DNAH6: variants seen among roughly 807,000 people sequenced by gnomAD.
DNAH6 encodes the protein axonemal beta dynein heavy chain 6.
In DNAH6, 340 loss-of-function variants were observed where a neutral mutation model predicts 491.4. The ratio of observed to expected loss-of-function variants is 0.69; its 90% CI spans 0.63 to 0.76. DNAH6 has a LOEUF of 0.76. Among genes scored for constraint, DNAH6 ranks in the 30% least tolerant of loss-of-function variants. The probability of loss-of-function intolerance (pLI) is 0.00; values close to 1 mark genes in which losing one functional copy is unlikely to be tolerated. For synonymous variants in DNAH6, 1,603 were observed against 1,686.1 expected (o/e 0.95, Z 1.21); for missense variants, 4,443 against 4,972.2 (o/e 0.89, Z 3.20).
intron 64 of DNAH6, among the ~76,000 whole-genome samples, chr2:84,780,737 G>T (rs1469755326): frequency 6.6e-6 from 1 of 151,802 alleles, no homozygotes; most frequent in African/African-American, 2.4e-5. Context: ...ATCCAAGGGG[G>T]CTAGTGTTTA....
Position 84,795,501 on chromosome 2 carries a change from A to G in DNAH6, c.11240-805A>G, listed in dbSNP as rs138542348. Among the ~76,000 whole-genome samples the G allele has an allele frequency of 3.3e-5, 5 of 152,290 alleles. No individual in the cohort carries two copies. In the East Asian group the frequency reaches 9.6e-4, roughly 29 times the overall value. On this transcript the variant is annotated intron_variant, in intron 68 of 76. Coordinates refer to ENST00000389394, the MANE Select transcript of DNAH6 (RefSeq NM_001370.2). ...AAACAAAACAAAAAGAAAGAGAAAG[A>G]AAAAACAATTTTTTCTTCCTGACAT... is the stretch of plus-strand genomic sequence containing the variant.
At chr2:84,686,652 G>T (rs575795536) in intron 44 of DNAH6, 95 bp downstream of exon 44, 6 of 782,186 alleles carry the variant, frequency 7.7e-6, no homozygotes, top group Non-Finnish European at 1.2e-5. Flanking sequence ...CTTTACATGT[G>T]TGAGGAGTTA....
chr2:84,774,278 A>G (rs899448974), intron 64 of DNAH6, among the ~76,000 whole-genome samples: 1 of 152,160 alleles, frequency 6.6e-6, no homozygotes, highest in Non-Finnish European at 1.5e-5. Context: ...ATTCTTCTGC[A>G]TATAGCTAGT....
intron 37 of DNAH6, among the ~76,000 whole-genome samples, chr2:84,668,844 G>A (rs1287280907): frequency 1.2e-5 from 1 of 81,822 alleles, no homozygotes; most frequent in Admixed American, 1.5e-4. Context: ...GTGTGTGTGT[G>A]TGTGTGTGTG....
At chr2:84,702,627 C>T (rs555165947) in intron 49 of DNAH6, among the ~76,000 whole-genome samples, 1 of 151,190 alleles carries the variant, frequency 6.6e-6, no homozygotes, top group African/African-American at 2.4e-5. Context: ...ACTGCAACCT[C>T]CGCCTCCCAG....
chr2:84,721,205 A>G (rs947629889), intron 59 of DNAH6, among the ~76,000 whole-genome samples: 4 of 152,212 alleles, frequency 2.6e-5, no homozygotes, highest in Non-Finnish European at 4.4e-5. Flanking sequence ...CCTAAGACAT[A>G]AAGAATTATT....
chr2:84,729,948 T>TG (rs1698988789), intron 61 of DNAH6, among the ~76,000 whole-genome samples: 1 of 152,114 alleles, frequency 6.6e-6, no homozygotes, highest in Admixed American at 6.5e-5. Flanking sequence ...ACTTTTTCTG[T>TG]GGAAAAATGT....
chr2:84,480,568 A>G, the DNAH6 span, among the ~76,000 whole-genome samples: 1 of 152,232 alleles, frequency 6.6e-6, no homozygotes, highest in Non-Finnish European at 1.5e-5. Context: ...AAATCCTAGT[A>G]GATAATAGTA....
chr2:84,818,343 G>A (rs1225448915), intron 76 of DNAH6, among the ~76,000 whole-genome samples: 1 of 151,768 alleles, frequency 6.6e-6, no homozygotes, highest in Non-Finnish European at 1.5e-5. Context: ...ACAAAAATTA[G>A]CAAGGTGTGG....
intron 61 of DNAH6, 39 bp from the exon 62 acceptor site, chr2:84,733,405 G>A: frequency 6.5e-7 from 1 of 1,532,548 alleles, no homozygotes; most frequent in Non-Finnish European, 8.8e-7. Context: ...TTTTGTGATT[G>A]CCTTTGTGAA....
In DNAH6 at chr2:84,767,653, G is replaced by T. The variant is rs1358472432; in HGVS notation, c.10703+4708G>T. ...TATGAAGAGACAAAACAATAGAAAA[G>T]ATGGAAGAGAAGATAAGAGGCAGAG... is the stretch of plus-strand genomic sequence containing the variant. On this transcript the variant is annotated intron_variant, in intron 64 of 76. Transcript: ENST00000389394. Among the ~76,000 whole-genome samples, 3 of 151,944 alleles carry T rather than the reference G, an allele frequency of 2.0e-5. No homozygotes were observed. The East Asian group carries it at 5.8e-4, about 29-fold the overall frequency.
At chr2:84,729,141 A>G (rs1271376281) in intron 61 of DNAH6, among the ~76,000 whole-genome samples, 1 of 152,036 alleles carries the variant, frequency 6.6e-6, no homozygotes, top group Non-Finnish European at 1.5e-5. Context: ...TCCTCTCTTA[A>G]TGTGTTTTAT....
Position 84,681,371 on chromosome 2 carries a change from T to C in DNAH6, c.6759T>C (p.Gly2253=). 6.5e-7 allele frequency: 1 copy of C among 1,545,470 alleles called. No individual in the cohort carries two copies. Among genetic ancestry groups the C allele is most frequent in the Non-Finnish European group, 8.7e-7 (1 of 1,144,364 alleles). Residue 2253 remains glycine (G), a synonymous_variant, in exon 42 of 77, where the codon GGT becomes GGC. Coordinates refer to ENST00000389394, the MANE Select transcript of DNAH6 (RefSeq NM_001370.2). The stretch of plus-strand genomic sequence containing the variant: ...TCTGGTTCTAGGCCATCTTAAATGG[T>C]TTCCTGAGTGACTTTCCACCAGCTG... ...LKQIFQAILN[G]FLSDFPPAVK...
intron 14 of DNAH6, among the ~76,000 whole-genome samples, chr2:84,580,075 A>G (rs1682855834): frequency 6.6e-6 from 1 of 152,208 alleles, no homozygotes; most frequent in Admixed American, 6.5e-5. Flanking sequence ...GTTCTCAGCC[A>G]TAGGTTATTG....
At position 84,709,434 on chromosome 2, in the gene DNAH6, A is replaced by T; in HGVS notation, c.9140A>T (p.Glu3047Val). 6.4e-7 allele frequency: 1 copy of T among 1,551,654 alleles called. No individual in the cohort carries two copies. The change falls in exon 55 of 77, where the codon GAG (glutamate) becomes GTG (valine). Residue 3047 changes from glutamate to valine, a missense_variant. By Grantham distance (121) the Glu-to-Val change is moderately radical (BLOSUM62 -2). Transcript: ENST00000389394. The stretch of plus-strand genomic sequence containing the variant: ...ATTAACATTCTTGGAGATCCCTACG[A>T]GATACGGCAGTGGAACACTGATGGG... ...SLINILGDPYEIRQWNTDGLP... is the reference protein window; with the variant it reads ...SLINILGDPYVIRQWNTDGLP...
intron 58 of DNAH6, 128 bp downstream of exon 58, chr2:84,715,755 A>G (rs1697469097): frequency 1.2e-6 from 1 of 859,928 alleles, no homozygotes; most frequent in African/African-American, 1.7e-5. Flanking sequence ...TTAATCAAAA[A>G]AAAATACAAG....
At chr2:84,525,786 T>A in intron 3 of DNAH6, 48 bp downstream of exon 3, 1 of 1,332,178 alleles carries the variant, frequency 7.5e-7, no homozygotes, top group South Asian at 1.4e-5. Flanking sequence ...AATTTTGTTT[T>A]GTATAGCATT....
At chr2:84,517,504 T>C (rs1168880576) in intron 1 of DNAH6, among the ~76,000 whole-genome samples, 1 of 152,216 alleles carries the variant, frequency 6.6e-6, no homozygotes, top group Non-Finnish European at 1.5e-5. Context: ...TTTCCTTTTG[T>C]CCTTCCAAAT....
Position 84,679,460 on chromosome 2 carries a change from G to C in DNAH6, c.6745-1897G>C, listed in dbSNP as rs546013849. Among the ~76,000 whole-genome samples the C allele has an allele frequency of 2.6e-5, 4 of 152,292 alleles. No homozygotes were observed. In the South Asian group the frequency reaches 6.2e-4, roughly 24 times the overall value. On this transcript the variant is annotated intron_variant, in intron 41 of 76. Transcript: ENST00000389394. ...GGTAAACCGAACAGCACACAACCAG[G>C]TAAATTAAATTTAATGAAATTTCTA... is the stretch of plus-strand genomic sequence containing the variant.
Sources: allele counts gnomAD v4.1 joint callset (sites outside exome capture counted in the v4.1 genomes callset), GRCh38; gene constraint gnomAD v4.1.1; transcripts MANE v1.5; gene names NCBI Gene and HGNC (gene_info 2026-07-23, HGNC 2026-07-21).